The following POLG variants were observed in gnomAD, a reference collection of about 807,000 sequenced individuals.
POLG encodes the protein DNA polymerase gamma, catalytic subunit.
In POLG, 110 loss-of-function variants were observed where a neutral mutation model predicts 155.4. The ratio of observed to expected loss-of-function variants is 0.71; its 90% confidence interval spans 0.61 to 0.83. POLG has a LOEUF of 0.83. Among genes scored for constraint, POLG ranks in the 40% least tolerant of loss-of-function variants. The pLI is 0.00. For synonymous variants in POLG, 701 were observed against 631.5 expected, an observed-to-expected ratio of 1.11 and a Z score of -1.65; for missense variants, 1,685 against 1,627.5, an observed-to-expected ratio of 1.04 and a Z score of -0.61.
At chr15:89,317,873 T>A (rs2055325071) in intron 21 of POLG, 2 of 375,790 alleles carry the variant, frequency 5.3e-6, no homozygotes, top group Non-Finnish European at 1.0e-5. Flanking sequence ...AAGCATAACC[T>A]CCCGGAGATG....
chr15:89,323,369 A>G, intron 13 of POLG, 35 bp downstream of exon 13: 2 of 1,382,472 alleles, frequency 1.4e-6, no homozygotes, highest in South Asian at 1.2e-5. Context: ...CAGAATGAGG[A>G]AACACCACAG....
Position 89,333,186 on chromosome 15 carries a change from G to C in POLG, c.569C>G (p.Pro190Arg). ...PEGEAVPVAI[P>R]EERALVFDVE... ...GTCGAACACCAGGGCCCGCTCCTCG[G>C]GGATGGCCACGGGTACGGCCTCCCC... is the stretch of plus-strand genomic sequence containing the variant. Residue 190 changes from proline to arginine, a missense_variant, in exon 2 of 23, where the codon CCC becomes CGC. Coordinates refer to ENST00000268124, the MANE Select transcript of POLG (RefSeq NM_002693.3). 6.4e-7 allele frequency: 1 copy of C among 1,569,842 alleles called. No individual in the cohort carries two copies. The highest frequency in any genetic ancestry group is 8.7e-7 in the Non-Finnish European group (1 of 1,154,956).
rs1164250318 is a variant in POLG at position 89,334,694 on chromosome 15, C to G, written c.-181G>C. 1 of 152,394 alleles carries G rather than the reference C, an allele frequency of 6.6e-6. No homozygotes were observed. Among genetic ancestry groups the G allele is most frequent in the Non-Finnish European group, 1.5e-5 (1 of 68,190 alleles). The allele number at this position is 152,394 out of a possible 1,614,324, so 9.4% of individuals were successfully genotyped here. A position where few individuals can be genotyped will look rare whatever the true frequency, so the allele number is the denominator to read the frequency against. On this transcript the variant is annotated 5_prime_UTR_variant, in exon 1 of 23. Coordinates refer to ENST00000268124, the MANE Select transcript of POLG (RefSeq NM_002693.3). Reference sequence around the variant, plus strand: ...AAACCTCGGTCCTCACGGTGCTTCCCGGTCTGCTGCTCCCCCGACCCCAGG... The same window carrying G: ...AAACCTCGGTCCTCACGGTGCTTCCGGGTCTGCTGCTCCCCCGACCCCAGG...
rs1169437119 is a variant in POLG, at chr15:89,333,264, G to A, written c.491C>T (p.Pro164Leu). Residue 164 changes from proline (P) to leucine (L), a missense_variant, in exon 2 of 23, where the codon CCG becomes CTG. Physicochemically the swap from Pro to Leu is moderately conservative, Grantham distance 98. Coordinates refer to ENST00000268124, the MANE Select transcript of POLG (RefSeq NM_002693.3). ...CGCCCAGGCCCAAGCCGGGGGCTTC[G>A]GGGGCAGCTGGGCCTGCAACAGCAA... Reference protein sequence around the residue: ...ANLLLQAQLPPKPPAWAWAEG... With the variant: ...ANLLLQAQLPLKPPAWAWAEG... 5 of 1,560,004 alleles carry A rather than the reference G, an allele frequency of 3.2e-6. No individual in the cohort carries two copies. Among genetic ancestry groups the A allele is most frequent in the African/African-American group, 1.4e-5 (1 of 73,550 alleles).
At chr15:89,317,955 A>G in intron 21 of POLG, 2 of 311,306 alleles carry the variant, frequency 6.4e-6, no homozygotes. Context: ...ATCAGGATAG[A>G]TCATGGTTCC....
chr15:89,333,588 GGCTGCTGTTGCTGCT>G lies in POLG; in HGVS notation c.152_166del (p.Gln51_Gln55del). On this transcript the variant is annotated inframe_deletion, in exon 2 of 23. Transcript: ENST00000268124. Reference sequence around the variant, plus strand: ...CGAGGATAGCACTTGCGGCTGCTGAGGCTGCTGTTGCTGCTGCTGCTGCTGCTGCTGCTGCTGCTG... The same window carrying G: ...CGAGGATAGCACTTGCGGCTGCTGAGGCTGCTGCTGCTGCTGCTGCTGCTG... 3 of 1,604,890 alleles carry G rather than the reference GGCTGCTGTTGCTGCT, an allele frequency of 1.9e-6. No individual in the cohort carries two copies. Among genetic ancestry groups the G allele is most frequent in the Non-Finnish European group, 2.5e-6 (3 of 1,176,630 alleles).
In POLG at chr15:89,331,605, T is replaced by C. The variant is rs182770956; in HGVS notation, c.660-1329A>G. On this transcript the variant is annotated intron_variant, in intron 2 of 22. Coordinates refer to ENST00000268124, the MANE Select transcript of POLG (RefSeq NM_002693.3). ...CCTCTAGCCTGATGGCCGAAGCCCTTACCAACACCCTTTGGGAAGAAGCTG... is the reference window on the plus strand; with the variant it reads ...CCTCTAGCCTGATGGCCGAAGCCCTCACCAACACCCTTTGGGAAGAAGCTG... 2.9e-3 allele frequency among the ~76,000 whole-genome samples: 444 copies of C among 152,358 alleles called. 4 individuals are homozygous for C. The highest frequency in any genetic ancestry group is 4.1e-3 in the Non-Finnish European group (278 of 68,032).
intron 6 of POLG, among the ~76,000 whole-genome samples, 185 bp from the exon 7 acceptor site, chr15:89,327,534 C>T (rs1410034390): frequency 6.6e-6 from 1 of 152,206 alleles, no homozygotes; most frequent in Non-Finnish European, 1.5e-5. Flanking sequence ...CTCGGAGCCT[C>T]AGTTCTTTCA....
rs369058619 is a variant in POLG, at chr15:89,316,418, G to A, written c.*333C>T. 2.6e-5 allele frequency: 42 copies of A among 1,611,664 alleles called. No homozygotes were observed. In the Admixed American group the frequency reaches 4.5e-4, roughly 17 times the overall value. ...CTAGGGCACTGCATCAGAGCATGGGGGACAGAACAAAGAACCAGCCAAGAA... is the reference window on the plus strand; with the variant it reads ...CTAGGGCACTGCATCAGAGCATGGGAGACAGAACAAAGAACCAGCCAAGAA... On this transcript the variant is annotated 3_prime_UTR_variant, in exon 23 of 23. Coordinates refer to ENST00000268124, the MANE Select transcript of POLG (RefSeq NM_002693.3).
rs766501874 is a variant in POLG, at chr15:89,333,605, C to T, written c.150G>A (p.Gln50=). 30 of 1,580,682 alleles carry T rather than the reference C, an allele frequency of 1.9e-5. No homozygotes were observed. Among genetic ancestry groups the T allele is most frequent in the South Asian group, 3.4e-5 (3 of 89,266 alleles). ...GCTGCTGAGGCTGCTGTTGCTGCTGCTGCTGCTGCTGCTGCTGCTGCTGCC... is the reference window on the plus strand; with the variant it reads ...GCTGCTGAGGCTGCTGTTGCTGCTGTTGCTGCTGCTGCTGCTGCTGCTGCC... The part of the protein sequence containing the change: ...RRRQQQQQQQ[Q]QQQQQPQQPQ... The change falls in exon 2 of 23, where the codon CAG becomes CAA. Residue 50 remains glutamine (Q), a synonymous_variant. Transcript: ENST00000268124.
At chr15:89,317,330 C>T (rs375815816) in intron 22 of POLG, 46 bp downstream of exon 22, 53 of 1,591,030 alleles carry the variant, frequency 3.3e-5, no homozygotes, top group East Asian at 6.7e-5. Flanking sequence ...CTTTCTAGTC[C>T]ACCTCAGATC....
intron 6 of POLG, among the ~76,000 whole-genome samples, chr15:89,328,250 A>C (rs1335530187): frequency 1.3e-5 from 2 of 152,088 alleles, no homozygotes; most frequent in Non-Finnish European, 2.9e-5. Flanking sequence ...CACAAGCACA[A>C]CTCCATGGCC....
intron 3 of POLG, among the ~76,000 whole-genome samples, chr15:89,329,707 T>C (rs148660700): frequency 1.4e-4 from 21 of 152,304 alleles, no homozygotes; most frequent in Non-Finnish European, 2.5e-4. Flanking sequence ...TTCTGTTATG[T>C]CTGCCTTTTT....
Position 89,321,128 on chromosome 15 carries a change from G to C in POLG, c.2731C>G (p.His911Asp), listed in dbSNP as rs1025929887. 6.2e-7 allele frequency: 1 copy of C among 1,614,236 alleles called. No individual in the cohort carries two copies. The highest frequency in any genetic ancestry group is 8.5e-7 in the Non-Finnish European group (1 of 1,180,050). The change falls in exon 17 of 23, where the codon CAT becomes GAT. Residue 911 changes from histidine to aspartate, a missense_variant. By Grantham distance (81) the His-to-Asp change is moderately conservative. Transcript: ENST00000268124. ...CCCAACCCCGGCTCCTGCTCACCATGCATGCCGGCAAAGTGGGCGTCTCCA... is the reference window on the plus strand; with the variant it reads ...CCCAACCCCGGCTCCTGCTCACCATCCATGCCGGCAAAGTGGGCGTCTCCA... The part of the protein sequence containing the change: ...VLGDAHFAGM[H>D]GCTAFGWMTL...
Position 89,323,795 on chromosome 15 carries a change from C to G in POLG, c.2157+20G>C. Reference sequence around the variant, plus strand: ...CCACCCAGCACCCACCTAGAGAACCCAAGCCGGCGCACTGCTCACCAGAGC... The same window carrying G: ...CCACCCAGCACCCACCTAGAGAACCGAAGCCGGCGCACTGCTCACCAGAGC... On this transcript the variant is annotated intron_variant, in intron 12 of 22. Coordinates refer to ENST00000268124, the MANE Select transcript of POLG (RefSeq NM_002693.3). 2.5e-6 allele frequency: 4 copies of G among 1,604,618 alleles called. No homozygotes were observed. In the South Asian group the frequency reaches 3.3e-5, roughly 13 times the overall value.
intron 2 of POLG, among the ~76,000 whole-genome samples, 162 bp from the exon 3 acceptor site, chr15:89,330,438 T>G (rs1375131473): frequency 6.6e-6 from 1 of 152,130 alleles, no homozygotes; most frequent in Non-Finnish European, 1.5e-5. Flanking sequence ...ACAGGTCAGG[T>G]GTGGCAGGGT....
Position 89,317,538 on chromosome 15 carries a change from T to C in POLG, c.3483-2A>G, listed in dbSNP as rs1057518035. ...CCCAGCTTGTAGGCAAACATGCACC[T>C]GAAAGAGACCCAATCTACTCTCACA... On this transcript the variant is annotated splice_acceptor_variant, in intron 21 of 22. Transcript: ENST00000268124. LOFTEE classifies it high-confidence loss of function. 6.2e-7 allele frequency: 1 copy of C among 1,613,858 alleles called. No homozygotes were observed. Among genetic ancestry groups the C allele is most frequent in the Non-Finnish European group, 8.5e-7 (1 of 1,179,800 alleles).
At chr15:89,324,288 C>G in intron 10 of POLG, 61 bp from the exon 11 acceptor site, 1 of 1,592,152 alleles carries the variant, frequency 6.3e-7, no homozygotes, top group Non-Finnish European at 8.5e-7. Context: ...CTGGGCCAGG[C>G]AGCTTGCTAG....
chr15:89,328,705 C>A lies in POLG; in HGVS notation c.1150G>T (p.Asp384Tyr), dbSNP rs2055555179. The A allele has an allele frequency of 1.2e-6, 2 of 1,614,160 alleles. No homozygotes were observed. The highest frequency in any genetic ancestry group is 4.5e-5 in the East Asian group (2 of 44,882). The change falls in exon 5 of 23, where the codon GAC (aspartate) becomes TAC (tyrosine). Residue 384 changes from aspartate to tyrosine, a missense_variant. Physicochemically the swap from Asp to Tyr is radical, Grantham distance 160. Around this residue, in one of 3 missense-constraint regions of POLG, gnomAD observed 1,210 missense variants for 1,167.1 expected, o/e 1.04. Transcript: ENST00000268124. ...RELFVKGTMKDIRENFQDLMQ... is the reference protein window; with the variant it reads ...RELFVKGTMKYIRENFQDLMQ... The stretch of plus-strand genomic sequence containing the variant: ...CATACCTGGAAGTTCTCACGAATGT[C>A]CTTCATGGTGCCCTTCACAAACAGT...
Sources: allele counts gnomAD v4.1 joint callset (sites outside exome capture counted in the v4.1 genomes callset), GRCh38; gene constraint gnomAD v4.1.1; regional missense constraint gnomAD v4.1.1; transcripts MANE v1.5; gene names NCBI Gene and HGNC (gene_info 2026-07-23, HGNC 2026-07-21).